XPR1: variants seen among roughly 807,000 people sequenced by gnomAD.
The protein encoded by XPR1 is xenotropic and polytropic retrovirus receptor 1, also known as solute carrier family 53 member 1.
Under a neutral mutation model 87.5 loss-of-function variants are expected in XPR1, and 28 were observed. The ratio of observed to expected loss-of-function variants is 0.32; its 90% CI spans 0.24 to 0.44. The LOEUF (loss-of-function observed/expected upper bound fraction) is 0.44. XPR1 is among the 20% of genes least tolerant of loss of function. XPR1 has a pLI of 1.00. For synonymous variants in XPR1, 300 were observed against 306.1 expected, an observed-to-expected ratio of 0.98 and a Z score of 0.21; for missense variants, 559 against 862.3, an observed-to-expected ratio of 0.65 and a Z score of 4.41.
chr1:180,835,493 C>T (rs979150778), intron 10 of XPR1, among the ~76,000 whole-genome samples: 2 of 150,560 alleles, frequency 1.3e-5, no homozygotes, highest in Admixed American at 6.6e-5. Context: ...TGGCCGTTTT[C>T]GCACCCCCCC....
intron 11 of XPR1, among the ~76,000 whole-genome samples, chr1:180,840,749 C>G (rs1355731994): frequency 1.3e-5 from 2 of 151,402 alleles, no homozygotes; most frequent in East Asian, 3.9e-4. Context: ...AAATTTTTAA[C>G]TAAAAAGCTT....
chr1:180,883,202 G>A lies in XPR1; in HGVS notation c.2031-804G>A, dbSNP rs543020587. 4.1e-5 allele frequency among the ~76,000 whole-genome samples: 6 copies of A among 148,054 alleles called. No homozygotes were observed. In the East Asian group the frequency reaches 1.2e-3, roughly 30 times the overall value. On this transcript the variant is annotated intron_variant, in intron 14 of 14. Transcript: ENST00000367590. ...ACTGGTCTCAAACTGCCGGGCTAAG[G>A]CGATCCTCTTATGTCAGCCTCCCAA... is the stretch of plus-strand genomic sequence containing the variant.
chr1:180,637,480 T>G (rs1654822870), intron 1 of XPR1, among the ~76,000 whole-genome samples: 1 of 152,142 alleles, frequency 6.6e-6, no homozygotes, highest in Non-Finnish European at 1.5e-5. Context: ...GGCAGCCAAA[T>G]TACAGATAAA....
chr1:180,784,126 T>C (rs1230666572), intron 2 of XPR1, among the ~76,000 whole-genome samples: 1 of 152,040 alleles, frequency 6.6e-6, no homozygotes. Flanking sequence ...TTAGAATACA[T>C]TTCCTACATG....
intron 11 of XPR1, among the ~76,000 whole-genome samples, chr1:180,843,303 A>G (rs1651576223): frequency 6.6e-6 from 1 of 152,106 alleles, no homozygotes; most frequent in South Asian, 2.1e-4. Flanking sequence ...AAAGATATAC[A>G]CACATTTTTA....
chr1:180,658,868 C>T (rs538142134), intron 1 of XPR1, among the ~76,000 whole-genome samples: 48 of 152,090 alleles, frequency 3.2e-4, no homozygotes, highest in African/African-American at 8.0e-4. Flanking sequence ...TGCACCCGGC[C>T]GATCATATGG....
chr1:180,717,034 C>T (rs1402130590), intron 2 of XPR1, among the ~76,000 whole-genome samples: 2 of 152,124 alleles, frequency 1.3e-5, no homozygotes, highest in Admixed American at 6.5e-5. Flanking sequence ...CTCTTGTTAC[C>T]CAGGCTGGAG....
chr1:180,687,193 A>G (rs1028659782), intron 2 of XPR1, among the ~76,000 whole-genome samples: 4 of 152,178 alleles, frequency 2.6e-5, no homozygotes, highest in African/African-American at 9.6e-5. Flanking sequence ...TGTTTGTAAC[A>G]AAGATACTCT....
Position 180,873,783 on chromosome 1 carries a change from A to G in XPR1, c.1669-20A>G, listed in dbSNP as rs139440674. ...AGAAATGTGATAGAAAACATACTCA[A>G]TTTCTTTATTATTTCTCAGGCCTAC... On this transcript the variant is annotated intron_variant, in intron 12 of 14. Coordinates refer to ENST00000367590, the MANE Select transcript of XPR1 (RefSeq NM_004736.4). The G allele has an allele frequency of 1.9e-6, 3 of 1,610,154 alleles. No homozygotes were observed. Among genetic ancestry groups the G allele is most frequent in the East Asian group, 2.2e-5 (1 of 44,814 alleles).
At chr1:180,854,614 G>T (rs1186306986) in intron 11 of XPR1, among the ~76,000 whole-genome samples, 2 of 152,200 alleles carry the variant, frequency 1.3e-5, no homozygotes, top group African/African-American at 4.8e-5. Context: ...GTCACCTATC[G>T]TGGCAAAAGC....
At chr1:180,775,458 T>G (rs577947648) in intron 2 of XPR1, among the ~76,000 whole-genome samples, 1 of 152,246 alleles carries the variant, frequency 6.6e-6, no homozygotes, top group African/African-American at 2.4e-5. Flanking sequence ...AGACTGAGAA[T>G]TCAGTTAAGT....
At chr1:180,718,494 C>A (rs1658071977) in intron 2 of XPR1, among the ~76,000 whole-genome samples, 1 of 151,838 alleles carries the variant, frequency 6.6e-6, no homozygotes, top group Non-Finnish European at 1.5e-5. Flanking sequence ...ATGTAGCTAC[C>A]ACATAGGGAC....
Position 180,873,813 on chromosome 1 carries a change from A to G in XPR1, c.1679A>G (p.Tyr560Cys). ...EIVYPQKAYY[Y>C]CAIIEDVILR... ...TTTATTATTTCTCAGGCCTACTACT[A>G]CTGTGCCATAATAGAGGATGTGATT... Residue 560 changes from tyrosine (Y) to cysteine (C), a missense_variant, in exon 13 of 15, where the codon TAC becomes TGC. By Grantham distance (194) the Tyr-to-Cys change is radical. Around this residue, in one of 7 missense-constraint regions of XPR1, gnomAD observed 264 missense variants for 377.2 expected, o/e 0.70. Coordinates refer to ENST00000367590, the MANE Select transcript of XPR1 (RefSeq NM_004736.4). 2 of 1,613,568 alleles carry G rather than the reference A, an allele frequency of 1.2e-6. No individual in the cohort carries two copies. The highest frequency in any genetic ancestry group is 1.1e-5 in the South Asian group (1 of 90,820).
intron 2 of XPR1, among the ~76,000 whole-genome samples, chr1:180,688,120 G>A (rs1208084853): frequency 3.4e-5 from 5 of 146,994 alleles, no homozygotes; most frequent in South Asian, 2.1e-4. Context: ...GCGTGATCTC[G>A]GCTCGCTGCA....
chr1:180,778,623 T>G (rs3013637), intron 2 of XPR1, among the ~76,000 whole-genome samples: 2 of 152,090 alleles, frequency 1.3e-5, no homozygotes, highest in African/African-American at 4.8e-5. Context: ...CTCGTGGTTG[T>G]CCAGCTGTGA....
chr1:180,779,850 T>G (rs1648868398), intron 2 of XPR1, among the ~76,000 whole-genome samples: 1 of 152,056 alleles, frequency 6.6e-6, no homozygotes, highest in Non-Finnish European at 1.5e-5. Context: ...AGCCCCTGCC[T>G]GCCAACCACC....
At chr1:180,849,798 G>GT (rs769210916) in intron 11 of XPR1, among the ~76,000 whole-genome samples, 3 of 152,148 alleles carry the variant, frequency 2.0e-5, no homozygotes, top group Non-Finnish European at 4.4e-5. Context: ...GGACATATGT[G>GT]TAAGTTTTCA....
At chr1:180,864,297 A>G (rs1414186805) in intron 12 of XPR1, among the ~76,000 whole-genome samples, 1 of 152,148 alleles carries the variant, frequency 6.6e-6, no homozygotes. Context: ...TACTTTCTCC[A>G]AGAAGCCTTT....
chr1:180,762,273 A>C (rs1347289454), intron 2 of XPR1, among the ~76,000 whole-genome samples: 1 of 152,132 alleles, frequency 6.6e-6, no homozygotes, highest in Non-Finnish European at 1.5e-5. Context: ...AAGTATAATA[A>C]TAATAAATAA....
Sources: allele counts gnomAD v4.1 joint callset (sites outside exome capture counted in the v4.1 genomes callset), GRCh38; gene constraint gnomAD v4.1.1; regional missense constraint gnomAD v4.1.1; transcripts MANE v1.5; gene names NCBI Gene and HGNC (gene_info 2026-07-23, HGNC 2026-07-21).